CIART: variants seen among roughly 807,000 people sequenced by gnomAD.
CIART encodes the protein circadian associated repressor of transcription.
In CIART, 7 loss-of-function variants were observed where a neutral mutation model predicts 22.1. The ratio of observed to expected loss-of-function variants is 0.32; its 90% CI spans 0.18 to 0.59. The LOEUF is 0.59. Among genes scored for constraint, CIART ranks in the 20% least tolerant of loss-of-function variants. The pLI, the probability that CIART is intolerant of heterozygous loss-of-function variation, is 0.86. For synonymous variants in CIART, 163 were observed against 174.6 expected (o/e 0.93, Z 0.53); for missense variants, 440 against 478.0 (o/e 0.92, Z 0.74).
chr1:150,284,467 C>T lies in CIART; in HGVS notation c.484C>T (p.Gln162Ter), dbSNP rs2101891527. 6.2e-7 allele frequency: 1 copy of T among 1,613,182 alleles called. No homozygotes were observed. Among genetic ancestry groups the T allele is most frequent in the Admixed American group, 1.7e-5 (1 of 60,012 alleles). ...FQQSVAMDRIQRIVGVLQKPQ... is the reference protein window; with the variant it reads ...FQQSVAMDRI The stretch of plus-strand genomic sequence containing the variant: ...GCAGAGTGTGGCAATGGACAGGATC[C>T]AGCGTATTGTAGGTGTTTTGCAGAA... Residue 162 changes from glutamine (Q) to a stop codon, truncating the protein, a stop_gained, in exon 3 of 5, where the codon CAG becomes TAG. Coordinates refer to ENST00000290363, the MANE Select transcript of CIART (RefSeq NM_144697.4). LOFTEE classifies it high-confidence loss of function.
At position 150,286,451 on chromosome 1, in the gene CIART, G is replaced by A. The variant is rs895776157; in HGVS notation, c.655G>A (p.Asp219Asn). The A allele has an allele frequency of 1.3e-6, 2 of 1,586,726 alleles. No individual in the cohort carries two copies. Reference protein sequence around the residue: ...LTKHFPSHHSDSAASSPASPM... With the variant: ...LTKHFPSHHSNSAASSPASPM... The stretch of plus-strand genomic sequence containing the variant: ...CTAGCATTTTCCAAGCCACCACAGT[G>A]ATTCAGCTGCTTCCTCTCCTGCATC... Residue 219 changes from aspartate to asparagine, a missense_variant, in exon 5 of 5, where the codon GAT becomes AAT. By Grantham distance (23) the Asp-to-Asn change is conservative (BLOSUM62 1). Transcript: ENST00000290363.
intron 1 of CIART, 59 bp from the exon 2 acceptor site, chr1:150,283,746 C>A (rs372326987): frequency 2.9e-4 from 443 of 1,547,564 alleles, no homozygotes; most frequent in Non-Finnish European, 3.8e-4. Flanking sequence ...GAAGGAAGAG[C>A]CACTGCTGGT....
chr1:150,283,955 T>C, intron 2 of CIART, 75 bp downstream of exon 2: 1 of 1,183,006 alleles, frequency 8.5e-7, no homozygotes, highest in Non-Finnish European at 1.2e-6. Context: ...TGTATTTCTC[T>C]GAAGTTCTTG....
chr1:150,283,120 GTAT>G lies in CIART; in HGVS notation c.-144_-142del. The G allele has an allele frequency of 1.3e-6, 1 of 748,768 alleles. No homozygotes were observed. The highest frequency in any genetic ancestry group is 3.1e-5 in the South Asian group (1 of 32,000). The allele number at this position is 748,768 out of a possible 1,614,324, so 46.4% of individuals were successfully genotyped here. A position where few individuals can be genotyped will look rare whatever the true frequency, so the allele number is the denominator to read the frequency against. On this transcript the variant is annotated 5_prime_UTR_variant, in exon 1 of 5. Coordinates refer to ENST00000290363, the MANE Select transcript of CIART (RefSeq NM_144697.4). ...GTAATATTGGGGAGGGGGAGAACAAGTATTATCCCACGCAGTACACCCCAATCT... is the reference window on the plus strand; with the variant it reads ...GTAATATTGGGGAGGGGGAGAACAAGTATCCCACGCAGTACACCCCAATCT...
rs1653521060 is a variant in CIART, at chr1:150,286,817, A to G, written c.1021A>G (p.Thr341Ala). 5.6e-6 allele frequency: 9 copies of G among 1,613,586 alleles called. No homozygotes were observed. Among genetic ancestry groups the G allele is most frequent in the Non-Finnish European group, 5.9e-6 (7 of 1,179,678 alleles). Reference sequence around the variant, plus strand: ...TCCTCGTTGCTACAGTTTGCCAGTAACTCTGCCATCAGACTGGAGCTATAC... The same window carrying G: ...TCCTCGTTGCTACAGTTTGCCAGTAGCTCTGCCATCAGACTGGAGCTATAC... ...EGPRCYSLPV[T>A]LPSDWSYTLS... The change falls in exon 5 of 5, where the codon ACT (threonine) becomes GCT (alanine). Residue 341 changes from threonine to alanine, a missense_variant. By Grantham distance (58) the Thr-to-Ala change is moderately conservative. Coordinates refer to ENST00000290363, the MANE Select transcript of CIART (RefSeq NM_144697.4).
At chr1:150,284,881 T>TGTC in intron 4 of CIART, 173 bp downstream of exon 4, 1 of 606,308 alleles carries the variant, frequency 1.6e-6, no homozygotes, top group Non-Finnish European at 2.9e-6. Context: ...GTTTTGTTGT[T>TGTC]GTTGTTGTTG....
At position 150,286,567 on chromosome 1, in the gene CIART, C is replaced by A; in HGVS notation, c.771C>A (p.Asn257Lys). 1.2e-6 allele frequency: 2 copies of A among 1,606,556 alleles called. No homozygotes were observed. Among genetic ancestry groups the A allele is most frequent in the Non-Finnish European group, 1.7e-6 (2 of 1,173,330 alleles). Residue 257 changes from asparagine to lysine, a missense_variant, in exon 5 of 5, where the codon AAC becomes AAA. Physicochemically the swap from Asn to Lys is moderately conservative, Grantham distance 94 (BLOSUM62 0). Coordinates refer to ENST00000290363, the MANE Select transcript of CIART (RefSeq NM_144697.4). ...ACCTCACACAATGGCCAGCTATGAA[C>A]CTCACCTGGATCCACACCACTCCAA... ...PWHLTQWPAM[N>K]LTWIHTTPIC... is the part of the protein sequence containing the mutation.
rs1419704482 is a variant in CIART, at chr1:150,286,139, TAGTG to T, written c.634-288_634-285del. Among the ~76,000 whole-genome samples, 100 of 152,294 alleles carry T rather than the reference TAGTG, an allele frequency of 6.6e-4. 1 individual carries two copies. Among genetic ancestry groups the T allele is most frequent in the Admixed American group, 1.6e-3 (24 of 15,286 alleles). ...ATTCTAAAAGGGATTATTTTATAAA[TAGTG>T]AGAACCTATGGAACTGTTTGTTTTT... On this transcript the variant is annotated intron_variant, in intron 4 of 4. Coordinates refer to ENST00000290363, the MANE Select transcript of CIART (RefSeq NM_144697.4).
chr1:150,284,924 C>G (rs1362537041), intron 4 of CIART: 2 of 580,640 alleles, frequency 3.4e-6, no homozygotes, highest in African/African-American at 1.9e-5. Context: ...GGGAGGAACT[C>G]CATGAAGTTT....
intron 2 of CIART, 34 bp downstream of exon 2, chr1:150,283,914 T>G: frequency 6.8e-7 from 1 of 1,478,402 alleles, no homozygotes; most frequent in Non-Finnish European, 9.4e-7. Context: ...TGGGCTAGGT[T>G]CATTTCTCTT....
At position 150,284,699 on chromosome 1, in the gene CIART, G is replaced by A. The variant is rs782275332; in HGVS notation, c.624G>A (p.Gln208=). 3.8e-5 allele frequency: 61 copies of A among 1,609,420 alleles called. No homozygotes were observed. The highest frequency in any genetic ancestry group is 4.9e-5 in the Non-Finnish European group (58 of 1,175,806). Residue 208 remains glutamine (Q), a synonymous_variant, in exon 4 of 5, where the codon CAG becomes CAA. Coordinates refer to ENST00000290363, the MANE Select transcript of CIART (RefSeq NM_144697.4). ...CATCATTGGGTGGTGGCAAGCATCA[G>A]CTGACCAAGGTAAGAACTTAAGAAC... ...QKSSLGGGKH[Q]LTKHFPSHHS...
chr1:150,285,133 T>C, intron 4 of CIART: 2 of 198,756 alleles, frequency 1.0e-5, no homozygotes, highest in Non-Finnish European at 2.1e-5. Flanking sequence ...TGACAGTTTT[T>C]GAGTCTACAC....
rs375871814 is a variant in CIART at position 150,287,087 on chromosome 1, A to G, written c.*133A>G. The G allele has an allele frequency of 1.4e-5, 13 of 914,316 alleles. No individual in the cohort carries two copies. In the East Asian group the frequency reaches 2.4e-4, roughly 17 times the overall value. 56.6% of individuals were successfully genotyped at this position (914,316 alleles called of 1,614,324 possible). ...TTTCTGATTAAAGAAATTTTTTTAT[A>G]CCTAAACAGTTTGCTGATTGGGGGA... On this transcript the variant is annotated 3_prime_UTR_variant, in exon 5 of 5. Transcript: ENST00000290363.
In CIART at chr1:150,283,438, C is replaced by T. The variant is rs199727788; in HGVS notation, c.171C>T (p.Pro57=). The part of the protein sequence containing the change: ...DTVGQRGGSR[P]SPGPIRCRHR... ...TTGGGCAGAGGGGAGGTTCACGGCC[C>T]AGCCCGGGTCCTATCCGCTGCAGGC... Residue 57 remains proline (P), a synonymous_variant, in exon 1 of 5, where the codon CCC becomes CCT. Transcript: ENST00000290363. The T allele has an allele frequency of 2.5e-6, 4 of 1,614,222 alleles. No individual in the cohort carries two copies. The Admixed American group carries it at 5.0e-5, about 20-fold the overall frequency.
Position 150,283,801 on chromosome 1 carries a change from A to G in CIART, c.367-4A>G, listed in dbSNP as rs1162764150. ...CTTACAGCCTTTGTCCTATTTTCCT[A>G]CAGTGTAAAGAACTCCAAGGATTTA... is the stretch of plus-strand genomic sequence containing the variant. On this transcript the variant is annotated splice_region_variant and splice_polypyrimidine_tract_variant and intron_variant, in intron 1 of 4. Coordinates refer to ENST00000290363, the MANE Select transcript of CIART (RefSeq NM_144697.4). 8.2e-6 allele frequency: 13 copies of G among 1,580,232 alleles called. No homozygotes were observed. In the Admixed American group the frequency reaches 1.2e-4, roughly 14 times the overall value.
chr1:150,283,749 C>T lies in CIART; in HGVS notation c.367-56C>T, dbSNP rs587673232. ...AGATTTGGAGGTGAAGGAAGAGCCA[C>T]TGCTGGTGTGGGCAGTTTTTTGTCT... On this transcript the variant is annotated intron_variant, in intron 1 of 4. Coordinates refer to ENST00000290363, the MANE Select transcript of CIART (RefSeq NM_144697.4). 9.0e-6 allele frequency: 14 copies of T among 1,549,748 alleles called. No individual in the cohort carries two copies. In the Admixed American group the frequency reaches 2.2e-4, roughly 24 times the overall value.
At chr1:150,284,003 T>TTTATTATTA (rs57585190) in intron 2 of CIART, 123 bp downstream of exon 2, 441 of 489,990 alleles carry the variant, frequency 9.0e-4, no homozygotes, top group African/African-American at 5.5e-3. Flanking sequence ...CTACTATGAC[T>TTTATTATTA]TTATTATTAT....
In CIART at chr1:150,284,417, T is replaced by G; in HGVS notation, c.443-9T>G. The G allele has an allele frequency of 6.3e-7, 1 of 1,590,132 alleles. No homozygotes were observed. Among genetic ancestry groups the G allele is most frequent in the Non-Finnish European group, 8.6e-7 (1 of 1,158,086 alleles). On this transcript the variant is annotated splice_polypyrimidine_tract_variant and intron_variant, in intron 2 of 4. Coordinates refer to ENST00000290363, the MANE Select transcript of CIART (RefSeq NM_144697.4). ...TCAATCCTTAATCTCTCTCTGTCCC[T>G]GTCCCCAGGATTAAGCAGTTTTCAG...
chr1:150,284,750 AAGAAAATGAAATGTGC>A, intron 4 of CIART, 42 bp downstream of exon 4: 1 of 1,449,176 alleles, frequency 6.9e-7, no homozygotes, highest in Non-Finnish European at 9.6e-7. Context: ...GAAAATAGCC[AAGAAAATGAAATGTGC>A]ATGCAGAAAT....
Sources: allele counts gnomAD v4.1 joint callset (sites outside exome capture counted in the v4.1 genomes callset), GRCh38; gene constraint gnomAD v4.1.1; transcripts MANE v1.5; gene names NCBI Gene and HGNC (gene_info 2026-07-23, HGNC 2026-07-21).